Variants in GALNT18 observed in about 807,000 individuals in gnomAD.
GALNT18 encodes polypeptide N-acetylgalactosaminyltransferase 18.
Under a neutral mutation model 69.5 loss-of-function variants are expected in GALNT18, and 44 were observed. The observed-to-expected ratio is 0.63, with a 90% CI of 0.50 to 0.81. GALNT18 has a LOEUF of 0.81. Ranked by LOEUF, GALNT18 falls within the 40% of genes least tolerant of loss-of-function variation. GALNT18 has a pLI of 0.00. For missense variants in GALNT18, 715 were observed against 810.0 expected, an observed-to-expected ratio of 0.88 and a Z score of 1.42; for synonymous variants, 364 against 318.2, an observed-to-expected ratio of 1.14 and a Z score of -1.53.
chr11:11,399,464 A>G (rs1256357967), intron 3 of GALNT18, among the ~76,000 whole-genome samples: 2 of 145,384 alleles, frequency 1.4e-5, no homozygotes, highest in Non-Finnish European at 3.1e-5. Context: ...TCAGCCCAGC[A>G]TAGTTTTTTT....
intron 1 of GALNT18, among the ~76,000 whole-genome samples, chr11:11,482,543 C>A (rs1364509432): frequency 4.6e-5 from 7 of 152,212 alleles, no homozygotes; most frequent in African/African-American, 1.7e-4. Context: ...CAAGACCCAG[C>A]CCTTTATGGT....
intron 1 of GALNT18, among the ~76,000 whole-genome samples, chr11:11,594,856 T>TATATAC (rs1565032757): frequency 1.1e-5 from 1 of 87,614 alleles, no homozygotes; most frequent in Non-Finnish European, 2.4e-5. Flanking sequence ...TATACATACA[T>TATATAC]ACACACACAT....
At position 11,600,727 on chromosome 11, in the gene GALNT18, T is replaced by C. The variant is rs1323874135; in HGVS notation, c.235+20632A>G. On this transcript the variant is annotated intron_variant, in intron 1 of 10. Transcript: ENST00000227756. The surrounding 1 kb of genome is among the most constrained non-coding windows in gnomAD (Gnocchi z 4.8). ...TTGGCTATTATTTCTTCATATATTT[T>C]TTGGCTTCTTTCTTCTTTCATTCAA... Among the ~76,000 whole-genome samples, 1 of 152,158 alleles carries C rather than the reference T, an allele frequency of 6.6e-6. No homozygotes were observed. Among genetic ancestry groups the C allele is most frequent in the Non-Finnish European group, 1.5e-5 (1 of 68,008 alleles).
intron 3 of GALNT18, among the ~76,000 whole-genome samples, chr11:11,416,334 G>T (rs1226850513): frequency 6.6e-6 from 1 of 152,144 alleles, no homozygotes; most frequent in Non-Finnish European, 1.5e-5. Flanking sequence ...TGGAGAACCC[G>T]CTCTGCACCT....
intron 1 of GALNT18, among the ~76,000 whole-genome samples, chr11:11,518,509 C>T (rs1464104984): frequency 2.0e-5 from 3 of 152,098 alleles, no homozygotes; most frequent in African/African-American, 7.2e-5. Flanking sequence ...CTTTAGGTGT[C>T]GTGGTTACCA....
rs1860096848 is a variant in GALNT18 at position 11,617,924 on chromosome 11, G to C, written c.235+3435C>G. 6.6e-6 allele frequency among the ~76,000 whole-genome samples: 1 copy of C among 152,076 alleles called. No homozygotes were observed. Among genetic ancestry groups the C allele is most frequent in the Non-Finnish European group, 1.5e-5 (1 of 68,010 alleles). On this transcript the variant is annotated intron_variant, in intron 1 of 10. Coordinates refer to ENST00000227756, the MANE Select transcript of GALNT18 (RefSeq NM_198516.3). The surrounding 1 kb of genome is among the most constrained non-coding windows in gnomAD (Gnocchi z 4.7). ...CTTTGTGTTTCTAAACCCCCAGGAT[G>C]CTTTTTTTAAAAACTCATAAGTTAT...
At chr11:11,419,698 T>G (rs1854956006) in intron 3 of GALNT18, among the ~76,000 whole-genome samples, 1 of 151,552 alleles carries the variant, frequency 6.6e-6, no homozygotes, top group Non-Finnish European at 1.5e-5. Context: ...GTCAATATGA[T>G]TATCAGGATT....
rs1859389644 is a variant in GALNT18, at chr11:11,592,776, G to T, written c.235+28583C>A. On this transcript the variant is annotated intron_variant, in intron 1 of 10. Coordinates refer to ENST00000227756, the MANE Select transcript of GALNT18 (RefSeq NM_198516.3). The surrounding 1 kb of genome is among the most constrained non-coding windows in gnomAD (Gnocchi z 5.9). ...CTGGGGCCCATACTGAAAATTTTTT[G>T]ACATATCTTCAAAGTATAAAGAGAA... Among the ~76,000 whole-genome samples, 1 of 152,094 alleles carries T rather than the reference G, an allele frequency of 6.6e-6. No individual in the cohort carries two copies. The highest frequency in any genetic ancestry group is 1.5e-5 in the Non-Finnish European group (1 of 68,006).
chr11:11,390,031 T>C (rs1478822679), intron 3 of GALNT18, among the ~76,000 whole-genome samples: 1 of 152,112 alleles, frequency 6.6e-6, no homozygotes, highest in Middle Eastern at 3.2e-3. Flanking sequence ...ATTTCAAAAT[T>C]CTGAAATTTT....
chr11:11,447,448 A>G (rs1855682437), intron 2 of GALNT18, among the ~76,000 whole-genome samples: 1 of 152,076 alleles, frequency 6.6e-6, no homozygotes, highest in East Asian at 1.9e-4. Flanking sequence ...CCTCCACCCA[A>G]CTAGAATGCC....
rs1406583257 is a variant in GALNT18, at chr11:11,494,255, A to T, written c.236-45319T>A. On this transcript the variant is annotated intron_variant, in intron 1 of 10. Transcript: ENST00000227756. The surrounding 1 kb of genome is among the most constrained non-coding windows in gnomAD (Gnocchi z 5.7). ...TTCAAGTCTCCAGCAGAAAACAAGC[A>T]CTGCCAAGCAGCAGCATAAACAAGC... is the stretch of plus-strand genomic sequence containing the variant. Among the ~76,000 whole-genome samples the T allele has an allele frequency of 2.0e-5, 3 of 152,222 alleles. No individual in the cohort carries two copies. Among genetic ancestry groups the T allele is most frequent in the Non-Finnish European group, 2.9e-5 (2 of 68,038 alleles).
intron 10 of GALNT18, among the ~76,000 whole-genome samples, chr11:11,287,952 TC>T (rs1849224043): frequency 6.6e-6 from 1 of 152,170 alleles, no homozygotes; most frequent in Non-Finnish European, 1.5e-5. Flanking sequence ...CTCAAAGTCC[TC>T]CCTGATAGCT....
rs1331819795 is a variant in GALNT18, at chr11:11,340,796, T to C, written c.1278+23A>G. 6.3e-7 allele frequency: 1 copy of C among 1,582,062 alleles called. No homozygotes were observed. Among genetic ancestry groups the C allele is most frequent in the Non-Finnish European group, 8.6e-7 (1 of 1,161,940 alleles). ...TGTTTTCCACCAATCCCCGAGAAAC[T>C]CATCCCTACCGGAGATCCCTACCTC... On this transcript the variant is annotated intron_variant, in intron 7 of 10. Coordinates refer to ENST00000227756, the MANE Select transcript of GALNT18 (RefSeq NM_198516.3). The surrounding 1 kb of genome is among the most constrained non-coding windows in gnomAD (Gnocchi z 4.2).
chr11:11,383,004 C>A lies in GALNT18; in HGVS notation c.596-3740G>T, dbSNP rs1589956181. 6.6e-6 allele frequency among the ~76,000 whole-genome samples: 1 copy of A among 152,242 alleles called. No homozygotes were observed. The highest frequency in any genetic ancestry group is 6.5e-5 in the Admixed American group (1 of 15,288). ...CACCCTGCATGGGGCCAGGTGTCAT[C>A]CTGCTTATGTTGCTACTTCAGCTCT... On this transcript the variant is annotated intron_variant, in intron 3 of 10. Transcript: ENST00000227756. This position sits in a 1 kb window ranked among gnomAD's most constrained non-coding sequence, Gnocchi z 5.2.
At chr11:11,350,415 G>T (rs1444255747) in intron 6 of GALNT18, among the ~76,000 whole-genome samples, 1 of 152,192 alleles carries the variant, frequency 6.6e-6, no homozygotes, top group Non-Finnish European at 1.5e-5. Flanking sequence ...GGGCTTATTC[G>T]TGGTTACCTC....
chr11:11,378,098 G>C (rs957564335), intron 4 of GALNT18, among the ~76,000 whole-genome samples: 1 of 152,232 alleles, frequency 6.6e-6, no homozygotes, highest in Non-Finnish European at 1.5e-5. Flanking sequence ...TAAATCCAAA[G>C]AAAATGCTGT....
chr11:11,398,297 C>A (rs1854381276), intron 3 of GALNT18, among the ~76,000 whole-genome samples: 1 of 152,310 alleles, frequency 6.6e-6, no homozygotes, highest in African/African-American at 2.4e-5. Context: ...GGCATTACTA[C>A]CTTGGCTAGC....
intron 1 of GALNT18, among the ~76,000 whole-genome samples, chr11:11,503,538 A>C (rs973066971): frequency 6.6e-6 from 1 of 152,156 alleles, no homozygotes; most frequent in South Asian, 2.1e-4. Flanking sequence ...CAAAGACTCC[A>C]TGGTGCCTGC....
chr11:11,325,795 G>T (rs1181303311), intron 9 of GALNT18, among the ~76,000 whole-genome samples: 2 of 152,138 alleles, frequency 1.3e-5, no homozygotes, highest in Non-Finnish European at 2.9e-5. Context: ...ATACTGGGTT[G>T]TGTGAGCACA....
Sources: allele counts gnomAD v4.1 joint callset (sites outside exome capture counted in the v4.1 genomes callset), GRCh38; gene constraint gnomAD v4.1.1; non-coding constraint Gnocchi (gnomAD v3.1); transcripts MANE v1.5; gene names NCBI Gene and HGNC (gene_info 2026-07-23, HGNC 2026-07-21).